Variants in SCAMP5 observed in about 807,000 individuals in gnomAD.
The protein encoded by SCAMP5 is secretory carrier membrane protein 5.
SCAMP5 carries 7 observed loss-of-function variants against 28.3 expected under a neutral mutation model. The ratio of observed to expected loss-of-function variants is 0.25; its 90% CI spans 0.14 to 0.46. The LOEUF is 0.46. Among genes scored for constraint, SCAMP5 ranks in the 20% least tolerant of loss-of-function variants. The pLI, the probability that SCAMP5 is intolerant of heterozygous loss-of-function variation, is 0.99. For missense variants in SCAMP5, 192 were observed against 312.5 expected (o/e 0.61, Z 2.91); for synonymous variants, 117 against 116.4 (o/e 1.00, Z -0.03).
At position 75,019,064 on chromosome 15, in the gene SCAMP5, G is replaced by T. The variant is rs1293145632; in HGVS notation, c.*81G>T. The T allele has an allele frequency of 2.0e-6, 2 of 999,142 alleles. No individual in the cohort carries two copies. The highest frequency in any genetic ancestry group is 5.7e-5 in the Admixed American group (2 of 35,266). The allele number at this position is 999,142 out of a possible 1,614,324, so 61.9% of individuals were successfully genotyped here. Reference sequence around the variant, plus strand: ...CCACATCGTCATTTGTGGTTACCAAGCAGGGTTCCCCCTTCCCTTTTCTCC... The same window carrying T: ...CCACATCGTCATTTGTGGTTACCAATCAGGGTTCCCCCTTCCCTTTTCTCC... On this transcript the variant is annotated 3_prime_UTR_variant, in exon 7 of 7. Transcript: ENST00000425597.
Position 75,020,648 on chromosome 15 carries a change from CGGGG to C in SCAMP5, c.*1666_*1669del, listed in dbSNP as rs2065897715. 8 of 152,306 alleles carry C rather than the reference CGGGG, an allele frequency of 5.3e-5. No individual in the cohort carries two copies. The highest frequency in any genetic ancestry group is 1.2e-4 in the Non-Finnish European group (8 of 68,102). The allele number at this position is 152,306 out of a possible 1,614,324, so 9.4% of individuals were successfully genotyped here. A position where few individuals can be genotyped will look rare whatever the true frequency, so the allele number is the denominator to read the frequency against. ...GGCTGGTAGAGGCTCTAGCTGTGTG[CGGGG>C]CCTGAAGGGGAGTGGGTTCTCGCCC... On this transcript the variant is annotated 3_prime_UTR_variant, in exon 7 of 7. Transcript: ENST00000425597.
intron 1 of SCAMP5, among the ~76,000 whole-genome samples, chr15:75,010,881 A>G (rs149636244): frequency 6.6e-6 from 1 of 152,142 alleles, no homozygotes; most frequent in East Asian, 1.9e-4. Flanking sequence ...ACTCCTCTTC[A>G]TGCTTCAGGT....
intron 1 of SCAMP5, among the ~76,000 whole-genome samples, chr15:75,000,316 A>G (rs887676689): frequency 2.0e-5 from 3 of 151,980 alleles, no homozygotes; most frequent in Admixed American, 2.0e-4. Flanking sequence ...CAATCCTCCC[A>G]CCTCAGCCTC....
chr15:75,018,967 A>T lies in SCAMP5; in HGVS notation c.692A>T (p.Tyr231Phe). 1 of 1,522,210 alleles carries T rather than the reference A, an allele frequency of 6.6e-7. No individual in the cohort carries two copies. The allele number at this position is 1,522,210 out of a possible 1,614,324, so 94.3% of individuals were successfully genotyped here. A position where few individuals can be genotyped will look rare whatever the true frequency, so the allele number is the denominator to read the frequency against. Residue 231 changes from tyrosine to phenylalanine, a missense_variant, in exon 7 of 7, where the codon TAC (tyrosine) becomes TTC (phenylalanine). Transcript: ENST00000425597. The surrounding 1 kb of genome is among the most constrained non-coding windows in gnomAD (Gnocchi z 5.6). ...TQYSATPNYT[Y>F]SNEM is the part of the protein sequence containing the mutation. ...TATTCCGCCACCCCCAATTACACGT[A>T]CTCCAATGAGATGTGAACCAGCCAC...
At position 75,019,259 on chromosome 15, in the gene SCAMP5, G is replaced by A. The variant is rs1662813451; in HGVS notation, c.*276G>A. The A allele has an allele frequency of 4.2e-6, 1 of 238,398 alleles. No individual in the cohort carries two copies. Among genetic ancestry groups the A allele is most frequent in the Admixed American group, 5.6e-5 (1 of 17,866 alleles). The allele number at this position is 238,398 out of a possible 1,614,324, so 14.8% of individuals were successfully genotyped here. On this transcript the variant is annotated 3_prime_UTR_variant, in exon 7 of 7. Transcript: ENST00000425597. ...GTGTCCCCTCGTGAAATAGTGTGCA[G>A]TGGAGGTCTCTTGTGGTGCTAGATG...
At chr15:75,010,267 T>C (rs2065799059) in intron 1 of SCAMP5, among the ~76,000 whole-genome samples, 1 of 152,146 alleles carries the variant, frequency 6.6e-6, no homozygotes, top group South Asian at 2.1e-4. Context: ...CTACCCTGTA[T>C]GTCCCTAGCA....
intron 1 of SCAMP5, among the ~76,000 whole-genome samples, chr15:75,002,354 C>A (rs903042824): frequency 2.0e-5 from 3 of 151,922 alleles, no homozygotes; most frequent in African/African-American, 7.3e-5. Context: ...TAATTGCAAC[C>A]TTTCTATGTA....
rs182851388 is a variant in SCAMP5, at chr15:75,016,636, G to A, written c.180G>A (p.Ala60=). The change falls in exon 4 of 7, where the codon GCG becomes GCA. Residue 60 remains alanine (A), a synonymous_variant. Coordinates refer to ENST00000425597, the MANE Select transcript of SCAMP5 (RefSeq NM_138967.4). The part of the protein sequence containing the change: ...TLAVNLVGCL[A]WLIGGGGATN... ...CCGTGAACCTGGTGGGCTGTCTCGCGTGGCTGATCGGAGGCGGGGGAGCCA... is the reference window on the plus strand; with the variant it reads ...CCGTGAACCTGGTGGGCTGTCTCGCATGGCTGATCGGAGGCGGGGGAGCCA... The A allele has an allele frequency of 7.4e-6, 12 of 1,613,810 alleles. No individual in the cohort carries two copies. The highest frequency in any genetic ancestry group is 4.0e-5 in the African/African-American group (3 of 75,020).
At chr15:74,997,470 A>T (rs1055478517) in intron 1 of SCAMP5, among the ~76,000 whole-genome samples, 2 of 152,160 alleles carry the variant, frequency 1.3e-5, no homozygotes, top group Non-Finnish European at 2.9e-5. Context: ...GGAGGGAGTG[A>T]GGAGATTATG....
intron 1 of SCAMP5, among the ~76,000 whole-genome samples, chr15:75,002,245 C>T (rs926853283): frequency 2.0e-5 from 3 of 151,876 alleles, no homozygotes; most frequent in Admixed American, 6.6e-5. Context: ...GTTCGGCTTC[C>T]CACCTGTTAG....
chr15:74,997,086 T>G (rs753749732), intron 1 of SCAMP5: 2 of 152,212 alleles, frequency 1.3e-5, no homozygotes, highest in African/African-American at 4.8e-5. Context: ...TCTCTAGAGA[T>G]GAAATAATAG....
intron 2 of SCAMP5, among the ~76,000 whole-genome samples, 178 bp downstream of exon 2, chr15:75,012,024 T>C (rs2065816124): frequency 6.6e-6 from 1 of 152,204 alleles, no homozygotes; most frequent in African/African-American, 2.4e-5. Context: ...AACATGACAT[T>C]GTCTAGCCCT....
At chr15:75,000,370 A>T (rs2065692507) in intron 1 of SCAMP5, among the ~76,000 whole-genome samples, 1 of 147,946 alleles carries the variant, frequency 6.8e-6, no homozygotes, top group East Asian at 2.0e-4. Flanking sequence ...GGCTAGGCAT[A>T]TTTAAAAAAC....
chr15:75,018,872 T>C lies in SCAMP5; in HGVS notation c.597T>C (p.His199=), dbSNP rs559580777. 6.3e-7 allele frequency: 1 copy of C among 1,593,574 alleles called. No homozygotes were observed. The highest frequency in any genetic ancestry group is 8.5e-7 in the Non-Finnish European group (1 of 1,174,656). ...CCACAGGGGCCTGGAAGAATCCACA[T>C]GTGCAGCAGGCAGCCCAGAACGCAG... ...EWTTGAWKNP[H]VQQAAQNAAM... The change falls in exon 7 of 7, where the codon CAT becomes CAC. Residue 199 remains histidine, a synonymous_variant. Coordinates refer to ENST00000425597, the MANE Select transcript of SCAMP5 (RefSeq NM_138967.4). The surrounding 1 kb of genome is among the most constrained non-coding windows in gnomAD (Gnocchi z 5.6).
intron 2 of SCAMP5, among the ~76,000 whole-genome samples, chr15:75,012,071 C>T (rs2065816744): frequency 6.6e-6 from 1 of 152,210 alleles, no homozygotes; most frequent in African/African-American, 2.4e-5. Context: ...AGGAATTGAG[C>T]ACCTTGATGT....
intron 3 of SCAMP5, among the ~76,000 whole-genome samples, chr15:75,015,052 T>C (rs747691659): frequency 2.6e-5 from 4 of 152,192 alleles, no homozygotes; most frequent in African/African-American, 4.8e-5. Flanking sequence ...ACCTGGGCTC[T>C]GGGAACTCAA....
rs1230507041 is a variant in SCAMP5, at chr15:74,997,152, C to G, written c.-49+1479C>G. The stretch of plus-strand genomic sequence containing the variant: ...CCTTGTTCTAGTTTAGAGCATCCCC[C>G]CTTTCTTCTCCCTCTTCCTTTTCCT... On this transcript the variant is annotated intron_variant, in intron 1 of 6. Coordinates refer to ENST00000425597, the MANE Select transcript of SCAMP5 (RefSeq NM_138967.4). 4 of 152,376 alleles carry G rather than the reference C, an allele frequency of 2.6e-5. No individual in the cohort carries two copies. In the South Asian group the frequency reaches 6.2e-4, roughly 24 times the overall value. The allele number at this position is 152,376 out of a possible 1,614,324, so 9.4% of individuals were successfully genotyped here.
chr15:74,998,674 AC>A (rs985036553), intron 1 of SCAMP5, among the ~76,000 whole-genome samples: 1 of 105,436 alleles, frequency 9.5e-6, no homozygotes, highest in Non-Finnish European at 1.9e-5. Flanking sequence ...CCAACCCCCC[AC>A]CCCCCATTTC....
Position 75,006,523 on chromosome 15 carries a change from C to T in SCAMP5, c.-48-5269C>T, listed in dbSNP as rs572251718. Among the ~76,000 whole-genome samples the T allele has an allele frequency of 9.9e-5, 15 of 152,140 alleles. 1 individual carries two copies. The highest frequency in any genetic ancestry group is 3.6e-4 in the African/African-American group (15 of 41,556). The stretch of plus-strand genomic sequence containing the variant: ...CAACAATTGGCCGGGCACTGTGGCT[C>T]ATGCCTGTAATCCCAGCACTTTGGG... On this transcript the variant is annotated intron_variant, in intron 1 of 6. Transcript: ENST00000425597.
Sources: allele counts gnomAD v4.1 joint callset (sites outside exome capture counted in the v4.1 genomes callset), GRCh38; gene constraint gnomAD v4.1.1; non-coding constraint Gnocchi (gnomAD v3.1); transcripts MANE v1.5; gene names NCBI Gene and HGNC (gene_info 2026-07-23, HGNC 2026-07-21).